Variants in MAGEC3 observed in about 807,000 individuals in gnomAD.
MAGEC3 encodes the protein melanoma-associated antigen C3.
MAGEC3 carries 34 observed loss-of-function variants against 35.3 expected under a neutral mutation model. That is an observed-to-expected ratio of 0.96 (90% CI 0.73 to 1.28). MAGEC3 has a LOEUF of 1.28. Among genes scored for constraint, MAGEC3 ranks in the 50% most tolerant of loss-of-function variants. MAGEC3 has a pLI of 0.00. For missense variants in MAGEC3, 561 were observed against 483.6 expected, an observed-to-expected ratio of 1.16 and a Z score of -1.50; for synonymous variants, 202 against 185.6, an observed-to-expected ratio of 1.09 and a Z score of -0.72.
intron 1 of MAGEC3, among the ~76,000 whole-genome samples, chrX:141,851,554 A>G (rs1227403269): frequency 9.0e-6 from 1 of 110,535 alleles, no homozygotes; most frequent in Non-Finnish European, 1.9e-5. Context: ...GGTTTTGGGT[A>G]TATTCACAAG....
chrX:141,872,965 G>C (rs2017897906), intron 2 of MAGEC3, among the ~76,000 whole-genome samples: 1 of 112,150 alleles, frequency 8.9e-6, no homozygotes, highest in Non-Finnish European at 1.9e-5. Context: ...ACTGCTTCTT[G>C]GGTTGCAAGA....
At chrX:141,870,143 T>C (rs986018618) in intron 2 of MAGEC3, among the ~76,000 whole-genome samples, 23 of 112,043 alleles carry the variant, frequency 2.1e-4, no homozygotes, top group African/African-American at 7.5e-4. Context: ...TAGTTTGTTT[T>C]GTTTTGCCAA....
At chrX:141,890,566 G>A (rs775367862) in intron 4 of MAGEC3, among the ~76,000 whole-genome samples, 4 of 111,674 alleles carry the variant, frequency 3.6e-5, no homozygotes, top group South Asian at 3.7e-4. Flanking sequence ...AAGGTTGCCC[G>A]TCCCTGCCAA....
chrX:141,841,053 C>G (rs1308202393), intron 1 of MAGEC3, among the ~76,000 whole-genome samples: 3 of 111,003 alleles, frequency 2.7e-5, no homozygotes, highest in African/African-American at 9.8e-5. Context: ...TAACTTCACT[C>G]TGCTTTTCCT....
intron 1 of MAGEC3, 157 bp downstream of exon 1, chrX:141,838,595 C>T: frequency 1.4e-6 from 1 of 727,772 alleles, no homozygotes; most frequent in Non-Finnish European, 1.6e-6. Flanking sequence ...ATGTTCATGT[C>T]TTTCCCTTGG....
chrX:141,851,924 TC>T (rs1368394274), intron 1 of MAGEC3, among the ~76,000 whole-genome samples: 2 of 110,646 alleles, frequency 1.8e-5, no homozygotes, highest in African/African-American at 3.3e-5. Context: ...GTATTCTGGG[TC>T]CCCTGCATTT....
At chrX:141,877,681 G>A (rs2017928505) in intron 2 of MAGEC3, among the ~76,000 whole-genome samples, 1 of 111,746 alleles carries the variant, frequency 8.9e-6, no homozygotes, top group Non-Finnish European at 1.9e-5. Flanking sequence ...TAGGTCTCAA[G>A]TTCAAACTAG....
chrX:141,897,415 C>G lies in MAGEC3; in HGVS notation c.1657C>G (p.Leu553Val). The G allele has an allele frequency of 1.7e-6, 2 of 1,211,603 alleles. No individual in the cohort carries two copies. Among genetic ancestry groups the G allele is most frequent in the Non-Finnish European group, 2.2e-6 (2 of 895,476 alleles). The change falls in exon 7 of 8, where the codon CTC (leucine) becomes GTC (valine). Residue 553 changes from leucine (L) to valine (V), a missense_variant. Leu to Val is a conservative substitution (Grantham distance 32). Coordinates refer to ENST00000298296, the MANE Select transcript of MAGEC3 (RefSeq NM_138702.1). Reference protein sequence around the residue: ...MPKNCLLILILSMIFIKGSCV... With the variant: ...MPKNCLLILIVSMIFIKGSCV... ...CAAGAACTGTCTCCTGATTCTTATT[C>G]TCAGTATGATCTTCATAAAGGGCAG...
chrX:141,869,572 T>C (rs1347705771), intron 2 of MAGEC3, among the ~76,000 whole-genome samples: 2 of 112,510 alleles, frequency 1.8e-5, no homozygotes, highest in African/African-American at 6.5e-5. Context: ...TTGATATTTA[T>C]AAACATTTTA....
intron 1 of MAGEC3, among the ~76,000 whole-genome samples, chrX:141,853,511 T>C (rs887403653): frequency 3.6e-5 from 4 of 111,651 alleles, no homozygotes. Context: ...AATGATTTAT[T>C]TTTACTTTAT....
rs2018115511 is a variant in MAGEC3 at position 141,897,644 on chromosome X, G to C, written c.1744G>C (p.Ala582Pro). Residue 582 changes from alanine to proline, a missense_variant, in exon 8 of 8, where the codon GCA becomes CCA. Coordinates refer to ENST00000298296, the MANE Select transcript of MAGEC3 (RefSeq NM_138702.1). ...LSAIGPIQRP[A>P]REVLEFLSKL... ...GGTCCAAGAGCCCATTCAGAGGCCAGCAAGAGAAGTCTTAGAGTTTTTATC... is the reference window on the plus strand; with the variant it reads ...GGTCCAAGAGCCCATTCAGAGGCCACCAAGAGAAGTCTTAGAGTTTTTATC... 3.3e-6 allele frequency: 4 copies of C among 1,207,758 alleles called. No homozygotes were observed. The highest frequency in any genetic ancestry group is 2.2e-5 in the Admixed American group (1 of 45,590).
chrX:141,879,322 A>G lies in MAGEC3; in HGVS notation c.406A>G (p.Thr136Ala), dbSNP rs1482617101. 1.7e-6 allele frequency: 2 copies of G among 1,204,194 alleles called. No individual in the cohort carries two copies. Among genetic ancestry groups the G allele is most frequent in the South Asian group, 3.6e-5 (2 of 55,437 alleles). ...PQDWPLNEKR[T>A]LWKDSDLPTW... ...GGACTGGCCACTCAACGAGAAGAGA[A>G]CTCTGTGGAAGGACAGTGACCTTCC... The change falls in exon 3 of 8, where the codon ACT (threonine) becomes GCT (alanine). Residue 136 changes from threonine to alanine, a missense_variant. Coordinates refer to ENST00000298296, the MANE Select transcript of MAGEC3 (RefSeq NM_138702.1).
In MAGEC3 at chrX:141,842,775, C is replaced by T. The variant is rs1242859878; in HGVS notation, c.123+4337C>T. ...CCCGGGAATGAAACCTCTCAATTTA[C>T]ACTCTTAGACTTCATAAACATCCCT... On this transcript the variant is annotated intron_variant, in intron 1 of 7. Transcript: ENST00000298296. 3.6e-5 allele frequency among the ~76,000 whole-genome samples: 4 copies of T among 111,811 alleles called. No homozygotes were observed. In the South Asian group the frequency reaches 1.1e-3, roughly 31 times the overall value.
intron 1 of MAGEC3, among the ~76,000 whole-genome samples, chrX:141,863,633 C>G (rs2017829446): frequency 9.0e-6 from 1 of 111,271 alleles, no homozygotes; most frequent in Admixed American, 9.6e-5. Flanking sequence ...TATTCTAGAA[C>G]ATAAAGCCTA....
At chrX:141,865,424 A>G (rs1270332790) in intron 1 of MAGEC3, 47 bp from the exon 2 acceptor site, 4 of 1,147,707 alleles carry the variant, frequency 3.5e-6, no homozygotes. Context: ...CATCACAGGT[A>G]GAGGTTGCCC....
In MAGEC3 at chrX:141,897,097, G is replaced by C. The variant is rs1175654284; in HGVS notation, c.1339G>C (p.Glu447Gln). 1 of 1,211,915 alleles carries C rather than the reference G, an allele frequency of 8.3e-7. No individual in the cohort carries two copies. The highest frequency in any genetic ancestry group is 1.8e-5 in the South Asian group (1 of 56,958). ...EDTATWHALP[E>Q]SESLPRYALD... is the part of the protein sequence containing the mutation. Reference sequence around the variant, plus strand: ...TACAGCTACTTGGCATGCCTTGCCAGAAAGTGAATCCTTGCCCAGGTATGC... The same window carrying C: ...TACAGCTACTTGGCATGCCTTGCCACAAAGTGAATCCTTGCCCAGGTATGC... The change falls in exon 7 of 8, where the codon GAA (glutamate) becomes CAA (glutamine). Residue 447 changes from glutamate to glutamine, a missense_variant. Transcript: ENST00000298296.
At chrX:141,845,563 C>G (rs957145331) in intron 1 of MAGEC3, among the ~76,000 whole-genome samples, 13 of 111,089 alleles carry the variant, frequency 1.2e-4, no homozygotes, top group East Asian at 5.6e-4. Flanking sequence ...GAATATATCT[C>G]TACTGACATT....
At chrX:141,847,583 A>G (rs372602452) in intron 1 of MAGEC3, among the ~76,000 whole-genome samples, 27 of 111,940 alleles carry the variant, frequency 2.4e-4, no homozygotes, top group African/African-American at 8.7e-4. Flanking sequence ...TACACAAACA[A>G]TTGAAAAATT....
chrX:141,861,758 C>T (rs1449543981), intron 1 of MAGEC3, among the ~76,000 whole-genome samples: 2 of 111,444 alleles, frequency 1.8e-5, no homozygotes, highest in South Asian at 3.8e-4. Context: ...TACTTTTTAC[C>T]ATATACAAAA....
Sources: allele counts gnomAD v4.1 joint callset (sites outside exome capture counted in the v4.1 genomes callset), GRCh38; gene constraint gnomAD v4.1.1; transcripts MANE v1.5; gene names NCBI Gene and HGNC (gene_info 2026-07-23, HGNC 2026-07-21).